MYO18B: variants seen among roughly 807,000 people sequenced by gnomAD.
The protein encoded by MYO18B is unconventional myosin-XVIIIb.
In MYO18B, 204 loss-of-function variants were observed where a neutral mutation model predicts 273.0. That is an observed-to-expected ratio of 0.75 (90% CI 0.67 to 0.84). The LOEUF (loss-of-function observed/expected upper bound fraction) is 0.84, where lower values mean the gene tolerates loss of function less well. Ranked by LOEUF, MYO18B falls within the 40% of genes least tolerant of loss-of-function variation. MYO18B has a pLI of 0.00. For synonymous variants in MYO18B, 1,330 were observed against 1,305.7 expected, an observed-to-expected ratio of 1.02 and a Z score of -0.40; for missense variants, 3,212 against 3,287.6, an observed-to-expected ratio of 0.98 and a Z score of 0.56.
chr22:25,847,597 G>A lies in MYO18B; in HGVS notation c.3720G>A (p.Leu1240=), dbSNP rs1396525617. The change falls in exon 20 of 44, where the codon CTG becomes CTA. Residue 1240 remains leucine, a synonymous_variant. Coordinates refer to ENST00000335473, the MANE Select transcript of MYO18B (RefSeq NM_032608.7). ...CTCTGGCCCTGGATATCCCAGCACTGAGGGTCCAGCTTGCTGGGTTCCACA... is the reference window on the plus strand; with the variant it reads ...CTCTGGCCCTGGATATCCCAGCACTAAGGGTCCAGCTTGCTGGGTTCCACA... ...GGPLALDIPA[L]RVQLAGFHIL... The A allele has an allele frequency of 8.3e-6, 13 of 1,566,222 alleles. No homozygotes were observed. Among genetic ancestry groups the A allele is most frequent in the Admixed American group, 1.9e-5 (1 of 53,008 alleles).
intron 11 of MYO18B, among the ~76,000 whole-genome samples, chr22:25,793,052 C>T (rs1002867423): frequency 1.3e-5 from 2 of 152,236 alleles, no homozygotes; most frequent in African/African-American, 2.4e-5. Context: ...CAATGGGGAA[C>T]GGTGTCTCTG....
chr22:26,061,637 C>T, the MYO18B span, among the ~76,000 whole-genome samples: 1 of 151,564 alleles, frequency 6.6e-6, no homozygotes, highest in South Asian at 2.1e-4. Context: ...TGCCGAGAAA[C>T]GTCATCTACC....
At chr22:25,964,145 A>G (rs1404474720) in intron 39 of MYO18B, 1 of 152,560 alleles carries the variant, frequency 6.6e-6, no homozygotes, top group African/African-American at 2.4e-5. Flanking sequence ...TGAAGCATGC[A>G]GCTTTGGGAG....
At chr22:25,994,296 A>G (rs4820666) in intron 40 of MYO18B, among the ~76,000 whole-genome samples, 69,462 of 151,878 alleles carry the variant, frequency 0.46, 16,890 homozygotes, top group African/African-American at 0.62. Flanking sequence ...AGGAGTCTCC[A>G]TCTCTACAAA....
chr22:26,061,828 A>G, the MYO18B span, among the ~76,000 whole-genome samples: 1 of 152,258 alleles, frequency 6.6e-6, no homozygotes, highest in East Asian at 1.9e-4. Flanking sequence ...GATGCTGTCA[A>G]CATTTGAATC....
chr22:26,028,796 G>C (rs1285096736), intron 43 of MYO18B, among the ~76,000 whole-genome samples: 1 of 147,874 alleles, frequency 6.8e-6, no homozygotes, highest in Non-Finnish European at 1.5e-5. Context: ...GCTGAGGCAG[G>C]AAAATGGCAT....
At chr22:25,821,632 C>A (rs12165643) in intron 12 of MYO18B, among the ~76,000 whole-genome samples, 30,033 of 151,942 alleles carry the variant, frequency 0.2, 3,110 homozygotes, top group Non-Finnish European at 0.21. Flanking sequence ...AAAAAATTAG[C>A]TGGGCGTGGT....
chr22:26,027,403 A>G lies in MYO18B; in HGVS notation c.7429A>G (p.Thr2477Ala), dbSNP rs1280344801. 24 of 1,613,800 alleles carry G rather than the reference A, an allele frequency of 1.5e-5. No homozygotes were observed. Among genetic ancestry groups the G allele is most frequent in the East Asian group, 1.1e-4 (5 of 44,882 alleles). ...ACAGCGTTCAAGCATCCACTTTGAA[A>G]CGGAAGAGGCTAACCGTTCCTTTCT... ...GSQRSSIHFETEEANRSFLSG... is the reference protein window; with the variant it reads ...GSQRSSIHFEAEEANRSFLSG... Residue 2477 changes from threonine to alanine, a missense_variant, in exon 43 of 44, where the codon ACG (threonine) becomes GCG (alanine). Physicochemically the swap from Thr to Ala is moderately conservative, Grantham distance 58. Transcript: ENST00000335473. The surrounding 1 kb of genome is among the most constrained non-coding windows in gnomAD (Gnocchi z 4.1).
In MYO18B at chr22:25,895,262, G is replaced by A; in HGVS notation, c.4650G>A (p.Arg1550=). 2 of 1,602,068 alleles carry A rather than the reference G, an allele frequency of 1.2e-6. No homozygotes were observed. The highest frequency in any genetic ancestry group is 1.7e-6 in the Non-Finnish European group (2 of 1,174,390). Residue 1550 remains arginine (R), a synonymous_variant, in exon 28 of 44, where the codon AGG becomes AGA. Transcript: ENST00000335473. ...GGCTGGACTCGGAGCTGACAGCCAG[G>A]AAAGAGCTGGAGCAAAAGGTAAGAT... is the stretch of plus-strand genomic sequence containing the variant. ...EERLDSELTA[R]KELEQKLGEL...
chr22:25,905,272 G>T (rs1569174822), intron 31 of MYO18B, among the ~76,000 whole-genome samples: 2 of 152,104 alleles, frequency 1.3e-5, no homozygotes, highest in African/African-American at 2.4e-5. Context: ...GGGTGTTGGG[G>T]AACAAGATCC....
At chr22:26,030,081 A>C (rs1471956124) in intron 43 of MYO18B, among the ~76,000 whole-genome samples, 1 of 152,094 alleles carries the variant, frequency 6.6e-6, no homozygotes, top group Non-Finnish European at 1.5e-5. Flanking sequence ...AAATGTACCC[A>C]TCTTCCTGGC....
At chr22:25,797,187 C>T (rs974170760) in intron 11 of MYO18B, among the ~76,000 whole-genome samples, 3 of 152,138 alleles carry the variant, frequency 2.0e-5, no homozygotes, top group African/African-American at 7.2e-5. Context: ...GAGATTGTGC[C>T]GTTGCACTCC....
intron 34 of MYO18B, among the ~76,000 whole-genome samples, chr22:25,933,372 A>G (rs5997003): frequency 0.16 from 24,568 of 152,104 alleles, 2,100 homozygotes; most frequent in South Asian, 0.28. Context: ...TTTGCAGTAA[A>G]GCCAGTTCTC....
At chr22:25,781,112 G>C (rs2087129967) in intron 9 of MYO18B, among the ~76,000 whole-genome samples, 1 of 152,174 alleles carries the variant, frequency 6.6e-6, no homozygotes, top group Non-Finnish European at 1.5e-5. Context: ...TTTGGGTTAA[G>C]GTATTAAAGG....
At chr22:25,848,811 G>C (rs1440045976) in intron 20 of MYO18B, among the ~76,000 whole-genome samples, 1 of 152,124 alleles carries the variant, frequency 6.6e-6, no homozygotes, top group African/African-American at 2.4e-5. Context: ...CTCTGCAGAG[G>C]ACAGGGTGGC....
intron 34 of MYO18B, among the ~76,000 whole-genome samples, chr22:25,932,468 GCATGATCTCAGCT>G (rs56819562): frequency 0.34 from 50,186 of 149,160 alleles, 9,033 homozygotes; most frequent in African/African-American, 0.44. Context: ...GAGTGCAGTG[GCATGATCTCAGCT>G]CACCACAATC....
chr22:25,964,816 G>T (rs1366782065), intron 39 of MYO18B: 1 of 152,280 alleles, frequency 6.6e-6, no homozygotes, highest in Non-Finnish European at 1.5e-5. Flanking sequence ...GCTCAGGGAG[G>T]TGCTGTGCCC....
At chr22:25,947,179 G>A (rs991042957) in intron 35 of MYO18B, among the ~76,000 whole-genome samples, 2 of 151,314 alleles carry the variant, frequency 1.3e-5, no homozygotes, top group Admixed American at 6.6e-5. Flanking sequence ...ACATATTCAC[G>A]TGCGATCACC....
intron 21 of MYO18B, among the ~76,000 whole-genome samples, chr22:25,861,766 A>C (rs558993076): frequency 6.6e-6 from 1 of 152,248 alleles, no homozygotes; most frequent in South Asian, 2.1e-4. Flanking sequence ...GGGCCATTTG[A>C]ACACCCCTTC....
Sources: allele counts gnomAD v4.1 joint callset (sites outside exome capture counted in the v4.1 genomes callset), GRCh38; gene constraint gnomAD v4.1.1; non-coding constraint Gnocchi (gnomAD v3.1); transcripts MANE v1.5; gene names NCBI Gene and HGNC (gene_info 2026-07-23, HGNC 2026-07-21).